PDPK1: variants seen among roughly 807,000 people sequenced by gnomAD.
PDPK1 encodes 3-phosphoinositide-dependent protein kinase 1.
PDPK1 carries 7 observed loss-of-function variants against 39.8 expected under a neutral mutation model. The ratio of observed to expected loss-of-function variants is 0.18; its 90% CI spans 0.10 to 0.33. The LOEUF (loss-of-function observed/expected upper bound fraction) is 0.33. PDPK1 is among the 10% of genes least tolerant of loss of function. The pLI, the probability that PDPK1 is intolerant of heterozygous loss-of-function variation, is 1.00. For missense variants in PDPK1, 182 were observed against 384.7 expected, an observed-to-expected ratio of 0.47 and a Z score of 4.41; for synonymous variants, 118 against 159.1, an observed-to-expected ratio of 0.74 and a Z score of 1.95.
intron 1 of PDPK1, chr16:2,538,882 C>T (rs1452738557): frequency 1.1e-4 from 82 of 720,028 alleles, no homozygotes; most frequent in South Asian, 2.7e-4. Flanking sequence ...AAAAGTATCC[C>T]TCGTGTTTTT....
At position 2,600,182 on chromosome 16, in the gene PDPK1, G is replaced by T. The variant is rs552900581; in HGVS notation, c.*2415G>T. 1 of 233,108 alleles carries T rather than the reference G, an allele frequency of 4.3e-6. No homozygotes were observed. Among genetic ancestry groups the T allele is most frequent in the African/African-American group, 2.2e-5 (1 of 45,342 alleles). 14.4% of individuals were successfully genotyped at this position (233,108 alleles called of 1,614,324 possible). A position where few individuals can be genotyped will look rare whatever the true frequency, so the allele number is the denominator to read the frequency against. ...GGCACGCAGGCGCCTTACATTCTAC[G>T]GTAGAACGTGGGGTACTGTGTGTGC... is the stretch of plus-strand genomic sequence containing the variant. On this transcript the variant is annotated 3_prime_UTR_variant, in exon 14 of 14. Coordinates refer to ENST00000342085, the MANE Select transcript of PDPK1 (RefSeq NM_002613.5).
chr16:2,588,539 G>C (rs929969235), intron 11 of PDPK1, among the ~76,000 whole-genome samples: 1 of 152,168 alleles, frequency 6.6e-6, no homozygotes, highest in Non-Finnish European at 1.5e-5. Context: ...CTCTGCCTGG[G>C]GCTGTTCTTA....
chr16:2,538,693 C>T (rs1482178477), intron 1 of PDPK1: 13 of 1,286,216 alleles, frequency 1.0e-5, no homozygotes, highest in Non-Finnish European at 1.3e-5. Flanking sequence ...TTTTGCTGCC[C>T]GTGGCTGTGC....
Position 2,601,912 on chromosome 16 carries a change from C to T in PDPK1, c.*4145C>T, listed in dbSNP as rs1388157161. 6.0e-5 allele frequency: 14 copies of T among 232,268 alleles called. No individual in the cohort carries two copies. In the East Asian group the frequency reaches 8.0e-4, roughly 13 times the overall value. The allele number at this position is 232,268 out of a possible 1,614,324, so 14.4% of individuals were successfully genotyped here. A position where few individuals can be genotyped will look rare whatever the true frequency, so the allele number is the denominator to read the frequency against. ...TTCATTTCTCCACTGTAGTTGGGGT[C>T]CATTGATTGTGCAGGGGAACGTGCA... On this transcript the variant is annotated 3_prime_UTR_variant, in exon 14 of 14. Transcript: ENST00000342085.
chr16:2,585,398 C>G (rs1166594590), intron 10 of PDPK1, among the ~76,000 whole-genome samples: 1 of 152,216 alleles, frequency 6.6e-6, no homozygotes, highest in African/African-American at 2.4e-5. Flanking sequence ...CGGTGTCAAG[C>G]ATGGAAGGAG....
At chr16:2,590,054 A>G (rs1275059735) in intron 11 of PDPK1, among the ~76,000 whole-genome samples, 4 of 152,202 alleles carry the variant, frequency 2.6e-5, no homozygotes, top group African/African-American at 4.8e-5. Flanking sequence ...TTTGCCTCAC[A>G]GTGGATGAGT....
intron 11 of PDPK1, 106 bp from the exon 12 acceptor site, chr16:2,595,685 CTG>C: frequency 2.4e-6 from 2 of 850,354 alleles, no homozygotes; most frequent in South Asian, 1.4e-5. Context: ...GAGGCTGGCT[CTG>C]TGAGGGGCAG....
chr16:2,598,709 C>T lies in PDPK1; in HGVS notation c.*942C>T, dbSNP rs1253153448. On this transcript the variant is annotated 3_prime_UTR_variant, in exon 14 of 14. Transcript: ENST00000342085. ...GTGGAGCAGAGAGGCCTGAGGGCCT[C>T]CTAAAAGGTTTAAATGTCCACGCCT... 4.3e-6 allele frequency: 1 copy of T among 233,174 alleles called. No homozygotes were observed. Among genetic ancestry groups the T allele is most frequent in the Non-Finnish European group, 8.5e-6 (1 of 118,092 alleles). 14.4% of individuals were successfully genotyped at this position (233,174 alleles called of 1,614,324 possible).
In PDPK1 at chr16:2,576,781, C is replaced by T. The variant is rs575912640; in HGVS notation, c.710-644C>T. On this transcript the variant is annotated intron_variant, in intron 6 of 13. Coordinates refer to ENST00000342085, the MANE Select transcript of PDPK1 (RefSeq NM_002613.5). The stretch of plus-strand genomic sequence containing the variant: ...ACCGCACCTGGGCAGTCATGAAGTC[C>T]GCAGAAAAGTCATTCACTGAAGGGA... The T allele has an allele frequency of 5.4e-4, 93 of 172,900 alleles. No homozygotes were observed. In the East Asian group the frequency reaches 0.015, roughly 27 times the overall value. The allele number at this position is 172,900 out of a possible 1,614,324, so 10.7% of individuals were successfully genotyped here.
At position 2,601,870 on chromosome 16, in the gene PDPK1, CA is replaced by C. The variant is rs2067223909; in HGVS notation, c.*4106del. 4.3e-6 allele frequency: 1 copy of C among 231,868 alleles called. No homozygotes were observed. The highest frequency in any genetic ancestry group is 2.2e-5 in the African/African-American group (1 of 45,064). The allele number at this position is 231,868 out of a possible 1,614,324, so 14.4% of individuals were successfully genotyped here. On this transcript the variant is annotated 3_prime_UTR_variant, in exon 14 of 14. Coordinates refer to ENST00000342085, the MANE Select transcript of PDPK1 (RefSeq NM_002613.5). ...TGGCTGGCAGCAAGTCCAGACCACC[CA>C]AATTTGGTTGGATTCTTCATTTCTC...
At chr16:2,586,042 G>A (rs1035235364) in intron 10 of PDPK1, among the ~76,000 whole-genome samples, 19 of 152,220 alleles carry the variant, frequency 1.2e-4, no homozygotes, top group African/African-American at 4.1e-4. Context: ...TGCACAGGCT[G>A]TGTCCGCTTG....
chr16:2,577,259 G>T (rs1358245576), intron 6 of PDPK1, 166 bp from the exon 7 acceptor site: 4 of 712,258 alleles, frequency 5.6e-6, no homozygotes, highest in African/African-American at 3.7e-5. Flanking sequence ...CGGTGTCCAG[G>T]GATCAGGCAG....
At position 2,603,028 on chromosome 16, in the gene PDPK1, TTA is replaced by T; in HGVS notation, c.*5266_*5267del. The T allele has an allele frequency of 4.4e-6, 1 of 229,396 alleles. No homozygotes were observed. Among genetic ancestry groups the T allele is most frequent in the East Asian group, 6.3e-5 (1 of 15,814 alleles). 14.2% of individuals were successfully genotyped at this position (229,396 alleles called of 1,614,324 possible). ...TTTTACAACTTTTTTTCTGGCTTTA[TTA>T]TATAAATTTTCTATTGGGTCAGTGA... On this transcript the variant is annotated 3_prime_UTR_variant, in exon 14 of 14. Coordinates refer to ENST00000342085, the MANE Select transcript of PDPK1 (RefSeq NM_002613.5).
intron 1 of PDPK1, among the ~76,000 whole-genome samples, chr16:2,539,804 C>T (rs967764717): frequency 2.0e-5 from 3 of 152,182 alleles, no homozygotes; most frequent in South Asian, 2.1e-4. Flanking sequence ...CACCCAGTAA[C>T]GCTGTTCCAA....
In PDPK1 at chr16:2,602,176, C is replaced by T. The variant is rs1271672203; in HGVS notation, c.*4409C>T. 1 of 234,404 alleles carries T rather than the reference C, an allele frequency of 4.3e-6. No homozygotes were observed. The highest frequency in any genetic ancestry group is 2.2e-5 in the African/African-American group (1 of 45,122). 14.5% of individuals were successfully genotyped at this position (234,404 alleles called of 1,614,324 possible). On this transcript the variant is annotated 3_prime_UTR_variant, in exon 14 of 14. Coordinates refer to ENST00000342085, the MANE Select transcript of PDPK1 (RefSeq NM_002613.5). ...ACACTTTTCCCCAGTTATTTTCAAA[C>T]TTGACATGAGCCTATGTTGACTCAC...
Position 2,602,351 on chromosome 16 carries a change from A to T in PDPK1, c.*4584A>T, listed in dbSNP as rs1376396551. On this transcript the variant is annotated 3_prime_UTR_variant, in exon 14 of 14. Transcript: ENST00000342085. ...CTGTGGAGAACTGGTGTGAGGAGGA[A>T]GCTGTTTCCAACAAAGAGCACTTTC... 1 of 234,718 alleles carries T rather than the reference A, an allele frequency of 4.3e-6. No homozygotes were observed. The highest frequency in any genetic ancestry group is 6.0e-5 in the East Asian group (1 of 16,596). 14.5% of individuals were successfully genotyped at this position (234,718 alleles called of 1,614,324 possible). A position where few individuals can be genotyped will look rare whatever the true frequency, so the allele number is the denominator to read the frequency against.
At chr16:2,551,636 A>G (rs1217602414) in intron 1 of PDPK1, among the ~76,000 whole-genome samples, 7 of 148,590 alleles carry the variant, frequency 4.7e-5, no homozygotes, top group Admixed American at 4.1e-4. Context: ...CATCTTGACC[A>G]TAGGAGGCGC....
chr16:2,591,614 C>T (rs2066991592), intron 11 of PDPK1, among the ~76,000 whole-genome samples: 1 of 152,192 alleles, frequency 6.6e-6, no homozygotes, highest in African/African-American at 2.4e-5. Context: ...AGCTGTTTAT[C>T]TGAGTGAGGC....
chr16:2,542,132 T>C lies in PDPK1; in HGVS notation c.24+3996T>C, dbSNP rs74248397. On this transcript the variant is annotated intron_variant, in intron 1 of 13. Transcript: ENST00000342085. ...GAGTTTCTGGGCTACACATCCCTTA[T>C]AAGAGCACCTGATTCTGGTTTCTGT... Among the ~76,000 whole-genome samples the C allele has an allele frequency of 6.6e-4, 100 of 152,396 alleles. No homozygotes were observed. In the East Asian group the frequency reaches 9.2e-3, roughly 14 times the overall value.
Sources: allele counts gnomAD v4.1 joint callset (sites outside exome capture counted in the v4.1 genomes callset), GRCh38; gene constraint gnomAD v4.1.1; transcripts MANE v1.5; gene names NCBI Gene and HGNC (gene_info 2026-07-23, HGNC 2026-07-21).